Variants in CACNA1C observed in about 807,000 individuals in gnomAD.
CACNA1C encodes calcium voltage-gated channel subunit alpha1 C, also known as voltage-dependent L-type calcium channel subunit alpha-1C.
CACNA1C carries 30 observed loss-of-function variants against 229.0 expected under a neutral mutation model. The observed-to-expected ratio is 0.13, with a 90% CI of 0.10 to 0.18. The LOEUF (loss-of-function observed/expected upper bound fraction) is 0.18. Among genes scored for constraint, CACNA1C ranks in the 10% least tolerant of loss-of-function variants. The probability of loss-of-function intolerance (pLI) is 1.00; values close to 1 mark genes in which losing one functional copy is unlikely to be tolerated. For synonymous variants in CACNA1C, 1,114 were observed against 1,132.5 expected (o/e 0.98, Z 0.33); for missense variants, 1,658 against 2,845.0 (o/e 0.58, Z 9.49).
chr12:2,222,443 A>C (rs1398388481), intron 3 of CACNA1C: 1 of 152,228 alleles, frequency 6.6e-6, no homozygotes, highest in Non-Finnish European at 1.5e-5. Context: ...GTGGGAATGA[A>C]TGGTGATAAC....
intron 3 of CACNA1C, among the ~76,000 whole-genome samples, chr12:2,258,609 G>T (rs1219603812): frequency 6.6e-6 from 1 of 152,164 alleles, no homozygotes; most frequent in Non-Finnish European, 1.5e-5. Flanking sequence ...GGGGTAACTG[G>T]GACTGGGTTT....
chr12:2,567,424 A>G (rs897971840), intron 12 of CACNA1C, 145 bp from the exon 13 acceptor site: 1 of 604,378 alleles, frequency 1.7e-6, no homozygotes. Context: ...CTTGGCCCCA[A>G]CTTCTGTTCT....
At chr12:2,089,354 A>C (rs528776146) in intron 1 of CACNA1C, among the ~76,000 whole-genome samples, 1 of 152,308 alleles carries the variant, frequency 6.6e-6, no homozygotes, top group East Asian at 1.9e-4. Context: ...CACACTTTTG[A>C]AATATTAAAT....
intron 3 of CACNA1C, among the ~76,000 whole-genome samples, chr12:2,251,459 G>GC (rs894620103): frequency 6.6e-6 from 1 of 152,194 alleles, no homozygotes; most frequent in African/African-American, 2.4e-5. Context: ...TCCAGCAGAG[G>GC]TTTCCAAGCC....
At chr12:2,327,410 C>A (rs2096363194) in intron 3 of CACNA1C, among the ~76,000 whole-genome samples, 1 of 152,228 alleles carries the variant, frequency 6.6e-6, no homozygotes, top group African/African-American at 2.4e-5. Flanking sequence ...TGCCTATCCT[C>A]CCCTTTCTAC....
At chr12:2,329,487 A>G (rs987610654) in intron 3 of CACNA1C, among the ~76,000 whole-genome samples, 1 of 152,192 alleles carries the variant, frequency 6.6e-6, no homozygotes, top group African/African-American at 2.4e-5. Context: ...GCCTGTCCCC[A>G]TCAATGAACA....
chr12:2,669,133 T>C, intron 38 of CACNA1C, 98 bp downstream of exon 38: 1 of 853,492 alleles, frequency 1.2e-6, no homozygotes, highest in Non-Finnish European at 2.0e-6. Context: ...GGGAACTTCC[T>C]GCCCCAGACA....
At position 2,194,981 on chromosome 12, in the gene CACNA1C, G is replaced by C. The variant is rs192422377; in HGVS notation, c.477+74551G>C. 1.4e-3 allele frequency among the ~76,000 whole-genome samples: 215 copies of C among 152,338 alleles called. 1 individual carries two copies. The highest frequency in any genetic ancestry group is 4.8e-3 in the African/African-American group (200 of 41,570). The stretch of plus-strand genomic sequence containing the variant: ...CTAGGATGTCTTTTTGGCTATGATG[G>C]GATCTGGTAGAAAGTTTCAAGCTAC... On this transcript the variant is annotated intron_variant, in intron 3 of 46. Transcript: ENST00000399655.
At chr12:1,973,074 A>C (rs2033046439) in intron 1 of CACNA1C, among the ~76,000 whole-genome samples, 1 of 152,214 alleles carries the variant, frequency 6.6e-6, no homozygotes, top group Non-Finnish European at 1.5e-5. Flanking sequence ...TAATGCCTTT[A>C]AAGTAATGTT....
In CACNA1C at chr12:2,679,426, C is replaced by G; in HGVS notation, c.5092-18C>G. The G allele has an allele frequency of 6.6e-7, 1 of 1,505,846 alleles. No homozygotes were observed. Among genetic ancestry groups the G allele is most frequent in the Non-Finnish European group, 8.9e-7 (1 of 1,120,912 alleles). 93.3% of individuals were successfully genotyped at this position (1,505,846 alleles called of 1,614,324 possible). A position where few individuals can be genotyped will look rare whatever the true frequency, so the allele number is the denominator to read the frequency against. ...GTGCTAAGGGGCTTCTCCACCCACCCCTCCTTCTTGCCTACAGAGGGCCGG... is the reference window on the plus strand; with the variant it reads ...GTGCTAAGGGGCTTCTCCACCCACCGCTCCTTCTTGCCTACAGAGGGCCGG... On this transcript the variant is annotated intron_variant, in intron 41 of 46. Transcript: ENST00000399655. The surrounding 1 kb of genome is among the most constrained non-coding windows in gnomAD (Gnocchi z 5.5).
At position 2,633,543 on chromosome 12, in the gene CACNA1C, C is replaced by T. The variant is rs577843891; in HGVS notation, c.3829-754C>T. On this transcript the variant is annotated intron_variant, in intron 29 of 46. Transcript: ENST00000399655. This position sits in a 1 kb window ranked among gnomAD's most constrained non-coding sequence, Gnocchi z 5.8. ...CAGAGGCAACACGGAGGTGCCTGGACGATGATTCTGATGGTGGTGTTGCTC... is the reference window on the plus strand; with the variant it reads ...CAGAGGCAACACGGAGGTGCCTGGATGATGATTCTGATGGTGGTGTTGCTC... The T allele has an allele frequency of 9.6e-6, 8 of 835,742 alleles. No individual in the cohort carries two copies. The highest frequency in any genetic ancestry group is 5.1e-5 in the African/African-American group (3 of 58,976). The allele number at this position is 835,742 out of a possible 1,614,324, so 51.8% of individuals were successfully genotyped here. A position where few individuals can be genotyped will look rare whatever the true frequency, so the allele number is the denominator to read the frequency against.
chr12:2,015,588 A>G (rs2154485115), intron 1 of CACNA1C, among the ~76,000 whole-genome samples: 1 of 152,248 alleles, frequency 6.6e-6, no homozygotes, highest in East Asian at 1.9e-4. Context: ...GCCTAGGGCG[A>G]AAGTTCTCAA....
At chr12:2,560,663 G>A (rs996040398) in intron 11 of CACNA1C, among the ~76,000 whole-genome samples, 4 of 152,064 alleles carry the variant, frequency 2.6e-5, no homozygotes, top group African/African-American at 4.8e-5. Context: ...TTCTGAAATT[G>A]GGAGGACTAG....
At chr12:2,536,631 C>A (rs1231094391) in intron 9 of CACNA1C, among the ~76,000 whole-genome samples, 1 of 152,054 alleles carries the variant, frequency 6.6e-6, no homozygotes, top group East Asian at 1.9e-4. Flanking sequence ...GAGTTCGAGA[C>A]CAACCTGGGC....
At chr12:2,496,047 A>G (rs188685802) in intron 7 of CACNA1C, among the ~76,000 whole-genome samples, 1 of 152,258 alleles carries the variant, frequency 6.6e-6, no homozygotes, top group African/African-American at 2.4e-5. Flanking sequence ...TCAAATCTCA[A>G]AATGTTCTAG....
intron 1 of CACNA1C, among the ~76,000 whole-genome samples, chr12:2,045,795 T>C (rs908176279): frequency 6.6e-6 from 1 of 152,004 alleles, no homozygotes; most frequent in Non-Finnish European, 1.5e-5. Flanking sequence ...TAAGTCCATG[T>C]CCTAATCCCC....
At chr12:2,004,268 G>A in intron 1 of CACNA1C, 1 of 1,612,682 alleles carries the variant, frequency 6.2e-7, no homozygotes, top group Non-Finnish European at 8.5e-7. Context: ...CTGCTCCGCC[G>A]CGTCCGCACG....
intron 30 of CACNA1C, among the ~76,000 whole-genome samples, chr12:2,644,127 C>A (rs2094071989): frequency 6.6e-6 from 1 of 152,222 alleles, no homozygotes; most frequent in East Asian, 1.9e-4. Context: ...GAGACTCACA[C>A]TCCCATGACA....
chr12:2,520,839 A>G (rs1234095661), intron 9 of CACNA1C, among the ~76,000 whole-genome samples: 2 of 151,518 alleles, frequency 1.3e-5, no homozygotes, highest in Non-Finnish European at 2.9e-5. Context: ...AGAGGAGGGA[A>G]GCCATGACAG....
Sources: gnomAD v4.1 joint callset for allele counts (sites outside exome capture counted in the v4.1 genomes callset) on GRCh38, gnomAD v4.1.1 for gene constraint, Gnocchi (gnomAD v3.1) non-coding constraint, MANE v1.5 for transcripts, NCBI Gene and HGNC (gene_info 2026-07-23, HGNC 2026-07-21) for gene names.